The following SEC61B variants were observed in gnomAD, a reference collection of about 807,000 sequenced individuals.
The protein encoded by SEC61B is protein transport protein Sec61 subunit beta.
SEC61B carries 7 observed loss-of-function variants against 12.6 expected under a neutral mutation model. The ratio of observed to expected loss-of-function variants is 0.55; its 90% CI spans 0.32 to 1.04. The LOEUF (loss-of-function observed/expected upper bound fraction) is 1.04. SEC61B is among the 50% of genes least tolerant of loss of function. The pLI is 0.05. For synonymous variants in SEC61B, 54 were observed against 50.1 expected (o/e 1.08, Z -0.33); for missense variants, 107 against 130.1 (o/e 0.82, Z 0.86).
At chr9:99,228,045 G>A (rs767028533) in intron 3 of SEC61B, 45 bp downstream of exon 3, 5 of 1,434,994 alleles carry the variant, frequency 3.5e-6, no homozygotes, top group Non-Finnish European at 4.9e-6. Flanking sequence ...AGTGGCAGCA[G>A]AGCAGCAGTG....
intron 3 of SEC61B, 129 bp from the exon 4 acceptor site, chr9:99,230,205 AAAT>A (rs1442677697): frequency 1.9e-6 from 1 of 539,216 alleles, no homozygotes; most frequent in Non-Finnish European, 3.3e-6. Flanking sequence ...AAAATGATAC[AAAT>A]AATGTTTCTG....
chr9:99,223,405 T>C (rs1428288454), intron 2 of SEC61B, among the ~76,000 whole-genome samples: 2 of 151,564 alleles, frequency 1.3e-5, no homozygotes, highest in Non-Finnish European at 2.9e-5. Flanking sequence ...TTCCTTTTTT[T>C]TTTTTTGGGA....
intron 2 of SEC61B, among the ~76,000 whole-genome samples, chr9:99,225,642 A>G (rs933539596): frequency 1.2e-4 from 18 of 152,316 alleles, no homozygotes; most frequent in Admixed American, 6.5e-4. Context: ...GAGAGATTCA[A>G]TGTGTTTTAT....
intron 2 of SEC61B, among the ~76,000 whole-genome samples, chr9:99,226,756 A>G (rs1040953178): frequency 6.6e-6 from 1 of 152,186 alleles, no homozygotes; most frequent in Non-Finnish European, 1.5e-5. Context: ...GGCTTCTCCC[A>G]AAGAGGAGAG....
At position 99,222,305 on chromosome 9, in the gene SEC61B, C is replaced by T. The variant is rs545207134; in HGVS notation, c.-59C>T. 6 of 1,613,624 alleles carry T rather than the reference C, an allele frequency of 3.7e-6. No individual in the cohort carries two copies. Among genetic ancestry groups the T allele is most frequent in the Non-Finnish European group, 5.1e-6 (6 of 1,179,708 alleles). ...TCAGTCTCGCCAGCTGCCGGTCTTTCGGGGGCTCCGTAACTTTCTATCCGT... is the reference window on the plus strand; with the variant it reads ...TCAGTCTCGCCAGCTGCCGGTCTTTTGGGGGCTCCGTAACTTTCTATCCGT... On this transcript the variant is annotated 5_prime_UTR_variant, in exon 1 of 4. Coordinates refer to ENST00000223641, the MANE Select transcript of SEC61B (RefSeq NM_006808.3).
At chr9:99,229,281 A>G (rs1044871547) in intron 3 of SEC61B, among the ~76,000 whole-genome samples, 1 of 151,896 alleles carries the variant, frequency 6.6e-6, no homozygotes, top group East Asian at 1.9e-4. Flanking sequence ...CTGACTGCCA[A>G]CCTTTTGGTC....
At chr9:99,227,766 A>T (rs1290405536) in intron 2 of SEC61B, 133 bp from the exon 3 acceptor site, 1 of 647,034 alleles carries the variant, frequency 1.5e-6, no homozygotes, top group Non-Finnish European at 2.7e-6. Context: ...TAAAAGCAGG[A>T]ATTTAGGTGG....
intron 3 of SEC61B, among the ~76,000 whole-genome samples, chr9:99,228,277 A>G (rs1828921797): frequency 6.6e-6 from 1 of 152,218 alleles, no homozygotes; most frequent in African/African-American, 2.4e-5. Flanking sequence ...ACTGGAGGGA[A>G]AACTGCTTAA....
chr9:99,224,479 C>G (rs764366360), intron 2 of SEC61B, among the ~76,000 whole-genome samples: 2 of 151,762 alleles, frequency 1.3e-5, no homozygotes, highest in African/African-American at 4.8e-5. Flanking sequence ...TTTGGCCATC[C>G]GAGAATTTGT....
intron 2 of SEC61B, among the ~76,000 whole-genome samples, chr9:99,223,816 CAG>C (rs2119015446): frequency 1.3e-5 from 2 of 152,346 alleles, no homozygotes; most frequent in South Asian, 2.1e-4. Flanking sequence ...AGACTAAGCT[CAG>C]GGGTTATTTC....
In SEC61B at chr9:99,230,416, C is replaced by T. The variant is rs1337618122; in HGVS notation, c.283C>T (p.Arg95Cys). Residue 95 changes from arginine (R) to cysteine (C), a missense_variant, in exon 4 of 4, where the codon CGT (arginine) becomes TGT (cysteine). Physicochemically the swap from Arg to Cys is radical, Grantham distance 180 (BLOSUM62 -3). Coordinates refer to ENST00000223641, the MANE Select transcript of SEC61B (RefSeq NM_006808.3). ...GTTGCACATTTGGGGCAAGTACACT[C>T]GTTCGTAGATTCAGTTACATCCATC... ...FMLHIWGKYT[R>C]S The T allele has an allele frequency of 3.1e-6, 5 of 1,602,110 alleles. No individual in the cohort carries two copies. Among genetic ancestry groups the T allele is most frequent in the Non-Finnish European group, 1.7e-6 (2 of 1,171,976 alleles).
intron 3 of SEC61B, among the ~76,000 whole-genome samples, chr9:99,229,032 CTT>C (rs1431218340): frequency 1.3e-5 from 2 of 151,940 alleles, no homozygotes; most frequent in African/African-American, 4.8e-5. Context: ...AAATTTGTAA[CTT>C]TACAAATTTG....
chr9:99,230,374 A>G lies in SEC61B; in HGVS notation c.241A>G (p.Ile81Val), dbSNP rs774641463. Residue 81 changes from isoleucine to valine, a missense_variant, in exon 4 of 4, where the codon ATC becomes GTC. Ile to Val is a conservative substitution (Grantham distance 29, BLOSUM62 3). Coordinates refer to ENST00000223641, the MANE Select transcript of SEC61B (RefSeq NM_006808.3). ...AGTATTGGTTATGAGTCTTCTGTTC[A>G]TCGCTTCTGTATTTATGTTGCACAT... Reference protein sequence around the residue: ...VPVLVMSLLFIASVFMLHIWG... With the variant: ...VPVLVMSLLFVASVFMLHIWG... 22 of 1,611,512 alleles carry G rather than the reference A, an allele frequency of 1.4e-5. 1 individual carries two copies. In the South Asian group the frequency reaches 2.4e-4, roughly 18 times the overall value.
chr9:99,225,978 A>C (rs1373592369), intron 2 of SEC61B, among the ~76,000 whole-genome samples: 1 of 152,262 alleles, frequency 6.6e-6, no homozygotes, highest in African/African-American at 2.4e-5. Flanking sequence ...TTTCAGCTGC[A>C]TACCCCACAG....
intron 1 of SEC61B, 59 bp downstream of exon 1, chr9:99,222,425 G>A: frequency 3.1e-6 from 5 of 1,613,278 alleles, no homozygotes; most frequent in Non-Finnish European, 4.2e-6. Flanking sequence ...CTCCTGCTTT[G>A]CGCCGTGCTT....
intron 2 of SEC61B, among the ~76,000 whole-genome samples, chr9:99,224,635 C>T (rs887906384): frequency 6.6e-6 from 1 of 152,052 alleles, no homozygotes; most frequent in Non-Finnish European, 1.5e-5. Flanking sequence ...TTTTTAAAGT[C>T]GTGGGTGTTG....
chr9:99,225,806 C>A (rs1225626661), intron 2 of SEC61B, among the ~76,000 whole-genome samples: 1 of 152,174 alleles, frequency 6.6e-6, no homozygotes, highest in African/African-American at 2.4e-5. Context: ...TCTGGGGCTC[C>A]TGTAATTCCA....
chr9:99,224,958 T>C (rs1213045455), intron 2 of SEC61B, among the ~76,000 whole-genome samples: 2 of 152,226 alleles, frequency 1.3e-5, no homozygotes, highest in Non-Finnish European at 2.9e-5. Context: ...AGGCCAGAGT[T>C]GGTGTTCTTG....
At position 99,222,557 on chromosome 9, in the gene SEC61B, C is replaced by A; in HGVS notation, c.15C>A (p.Thr5=). MPGP[T]PSGTNVGSSG... The stretch of plus-strand genomic sequence containing the variant: ...GTCTCCCTCTACAGCCTGGTCCGAC[C>A]CCCAGTGGCACTAACGTGGGATCCT... Residue 5 remains threonine, a synonymous_variant, in exon 2 of 4, where the codon ACC becomes ACA. Transcript: ENST00000223641. The A allele has an allele frequency of 6.3e-7, 1 of 1,580,630 alleles. No individual in the cohort carries two copies. The highest frequency in any genetic ancestry group is 8.6e-7 in the Non-Finnish European group (1 of 1,163,402).
Sources: allele counts gnomAD v4.1 joint callset (sites outside exome capture counted in the v4.1 genomes callset), GRCh38; gene constraint gnomAD v4.1.1; transcripts MANE v1.5; gene names NCBI Gene and HGNC (gene_info 2026-07-23, HGNC 2026-07-21).